Variants in DNAJC3 observed in about 807,000 individuals in gnomAD.
The protein encoded by DNAJC3 is dnaJ homolog subfamily C member 3.
A neutral mutation model predicts 68.6 loss-of-function variants in DNAJC3; 38 were observed. That is an observed-to-expected ratio of 0.55 (90% CI 0.43 to 0.73). DNAJC3 has a LOEUF of 0.73. Ranked by LOEUF, DNAJC3 falls within the 30% of genes least tolerant of loss-of-function variation. The pLI is 0.00. For missense variants in DNAJC3, 526 were observed against 591.9 expected, an observed-to-expected ratio of 0.89 and a Z score of 1.16; for synonymous variants, 203 against 204.0, an observed-to-expected ratio of 1.00 and a Z score of 0.04.
At chr13:95,722,210 G>C (rs922512450) in intron 2 of DNAJC3, among the ~76,000 whole-genome samples, 3 of 152,138 alleles carry the variant, frequency 2.0e-5, no homozygotes, top group Admixed American at 1.3e-4. Flanking sequence ...TCATCTGTCT[G>C]CTTTCCTTAC....
At chr13:95,773,095 G>A (rs1883197891) in intron 9 of DNAJC3, among the ~76,000 whole-genome samples, 1 of 149,032 alleles carries the variant, frequency 6.7e-6, no homozygotes, top group African/African-American at 2.5e-5. Context: ...CTTGGTCTTG[G>A]AAGTTGGTTT....
chr13:95,724,629 C>T (rs1411152277), intron 3 of DNAJC3, among the ~76,000 whole-genome samples: 2 of 152,146 alleles, frequency 1.3e-5, no homozygotes, highest in Admixed American at 1.3e-4. Context: ...ACACTTTTAT[C>T]GACCCCCAAA....
intron 2 of DNAJC3, among the ~76,000 whole-genome samples, chr13:95,718,572 T>C (rs917965070): frequency 6.6e-6 from 1 of 152,236 alleles, no homozygotes; most frequent in African/African-American, 2.4e-5. Context: ...GGCTAATTTT[T>C]GTATTTTTAG....
intron 4 of DNAJC3, among the ~76,000 whole-genome samples, chr13:95,755,796 AAATC>A (rs1355442305): frequency 1.3e-5 from 2 of 151,538 alleles, no homozygotes; most frequent in East Asian, 3.9e-4. Context: ...GAATAAAAAA[AAATC>A]CCCCAAAACC....
At chr13:95,764,673 TATATATATATAC>T (rs1404862156) in intron 9 of DNAJC3, among the ~76,000 whole-genome samples, 2 of 122,778 alleles carry the variant, frequency 1.6e-5, no homozygotes, top group East Asian at 2.3e-4. Context: ...TATATATATA[TATATATATATAC>T]ACACACACAC....
In DNAJC3 at chr13:95,784,956, TA is replaced by T. The variant is rs1157500880; in HGVS notation, c.1076-974del. Among the ~76,000 whole-genome samples, 465 of 151,660 alleles carry T rather than the reference TA, an allele frequency of 3.1e-3. 4 individuals are homozygous for T. The highest frequency in any genetic ancestry group is 0.011 in the African/African-American group (446 of 41,390). On this transcript the variant is annotated intron_variant, in intron 9 of 11. Coordinates refer to ENST00000602402, the MANE Select transcript of DNAJC3 (RefSeq NM_006260.5). ...CAGAGACCCTGTCTCTTAAAATTTT[TA>T]AAAAAAAATACTGTGTAATAAAATA...
intron 4 of DNAJC3, among the ~76,000 whole-genome samples, chr13:95,746,897 A>T (rs980612339): frequency 6.6e-6 from 1 of 152,188 alleles, no homozygotes; most frequent in Non-Finnish European, 1.5e-5. Flanking sequence ...TTGCCTGCAT[A>T]AAAGTATCTC....
Position 95,767,814 on chromosome 13 carries a change from T to C in DNAJC3, c.1075+3861T>C, listed in dbSNP as rs566493718. On this transcript the variant is annotated intron_variant, in intron 9 of 11. Coordinates refer to ENST00000602402, the MANE Select transcript of DNAJC3 (RefSeq NM_006260.5). ...AGCTGATTCTCCTGCCTCAGCCTCCTTAGTAGCTGGGATTGCATGTGTGCA... is the reference window on the plus strand; with the variant it reads ...AGCTGATTCTCCTGCCTCAGCCTCCCTAGTAGCTGGGATTGCATGTGTGCA... Among the ~76,000 whole-genome samples, 382 of 151,764 alleles carry C rather than the reference T, an allele frequency of 2.5e-3. 2 individuals are homozygous for C. The highest frequency in any genetic ancestry group is 3.6e-3 in the Non-Finnish European group (247 of 67,908).
intron 4 of DNAJC3, among the ~76,000 whole-genome samples, chr13:95,739,172 A>G (rs1882039059): frequency 1.3e-5 from 2 of 152,134 alleles, no homozygotes; most frequent in Non-Finnish European, 2.9e-5. Context: ...TCTGGCTTGT[A>G]GGGTTTCTGC....
chr13:95,691,367 C>T (rs1880253442), intron 1 of DNAJC3, among the ~76,000 whole-genome samples: 1 of 151,438 alleles, frequency 6.6e-6, no homozygotes, highest in African/African-American at 2.4e-5. Flanking sequence ...AGGGTCTCCT[C>T]ACTTCTCAGA....
chr13:95,773,132 G>A (rs923071350), intron 9 of DNAJC3, among the ~76,000 whole-genome samples: 1 of 144,200 alleles, frequency 6.9e-6, no homozygotes, highest in Non-Finnish European at 1.5e-5. Context: ...TTTTTGGTAG[G>A]ATGGTTTTTG....
At chr13:95,770,649 G>A (rs530311275) in intron 9 of DNAJC3, among the ~76,000 whole-genome samples, 5 of 152,044 alleles carry the variant, frequency 3.3e-5, no homozygotes, top group Non-Finnish European at 7.4e-5. Flanking sequence ...TGTTTAAATC[G>A]GCCTAAAATA....
chr13:95,764,041 T>C lies in DNAJC3; in HGVS notation c.1075+88T>C, dbSNP rs148519350. The C allele has an allele frequency of 5.2e-3, 7,915 of 1,532,972 alleles. 32 individuals carry two copies. The highest frequency in any genetic ancestry group is 6.4e-3 in the Non-Finnish European group (7,333 of 1,141,532). The allele number at this position is 1,532,972 out of a possible 1,614,324, so 95.0% of individuals were successfully genotyped here. On this transcript the variant is annotated intron_variant, in intron 9 of 11. Transcript: ENST00000602402. ...AGCTTCCTTTTCCTTAAAACAAATTTACCAGAGTACCTGGAAATGTTGACA... is the reference window on the plus strand; with the variant it reads ...AGCTTCCTTTTCCTTAAAACAAATTCACCAGAGTACCTGGAAATGTTGACA...
chr13:95,748,910 T>A (rs1882390295), intron 4 of DNAJC3, among the ~76,000 whole-genome samples: 2 of 152,238 alleles, frequency 1.3e-5, no homozygotes, highest in South Asian at 4.1e-4. Flanking sequence ...TACTTTTAAG[T>A]CATAAAGTCA....
At chr13:95,759,130 C>T (rs1009100452) in intron 5 of DNAJC3, among the ~76,000 whole-genome samples, 1 of 152,128 alleles carries the variant, frequency 6.6e-6, no homozygotes, top group Admixed American at 6.5e-5. Context: ...TTGATGAGCT[C>T]TTGGGTTTAT....
At chr13:95,766,102 C>G (rs1594016288) in intron 9 of DNAJC3, among the ~76,000 whole-genome samples, 1 of 152,146 alleles carries the variant, frequency 6.6e-6, no homozygotes, top group East Asian at 1.9e-4. Context: ...AGTATGTCTT[C>G]AGTTGAAATC....
chr13:95,768,332 C>T, intron 9 of DNAJC3, among the ~76,000 whole-genome samples: 1 of 152,172 alleles, frequency 6.6e-6, no homozygotes, highest in East Asian at 1.9e-4. Context: ...CCACTGTACT[C>T]ATTTTCAGGT....
chr13:95,737,736 G>A (rs1387948639), intron 4 of DNAJC3, among the ~76,000 whole-genome samples: 1 of 149,306 alleles, frequency 6.7e-6, no homozygotes, highest in African/African-American at 2.5e-5. Context: ...AGTCTTGCTA[G>A]TGGTCTATCA....
rs753833709 is a variant in DNAJC3, at chr13:95,763,923, G to T, written c.1045G>T (p.Ala349Ser). ...GAATGCCCTGAAAGATCGAGCAGAG[G>T]CCTATTTGATAGAGGAAATGTATGA... ...NVNALKDRAEAYLIEEMYDEA... is the reference protein window; with the variant it reads ...NVNALKDRAESYLIEEMYDEA... Residue 349 changes from alanine to serine, a missense_variant, in exon 9 of 12, where the codon GCC becomes TCC. Coordinates refer to ENST00000602402, the MANE Select transcript of DNAJC3 (RefSeq NM_006260.5). 6.2e-7 allele frequency: 1 copy of T among 1,614,020 alleles called. No homozygotes were observed. Among genetic ancestry groups the T allele is most frequent in the East Asian group, 2.2e-5 (1 of 44,860 alleles).
Sources: allele counts gnomAD v4.1 joint callset (sites outside exome capture counted in the v4.1 genomes callset), GRCh38; gene constraint gnomAD v4.1.1; transcripts MANE v1.5; gene names NCBI Gene and HGNC (gene_info 2026-07-23, HGNC 2026-07-21).